Variants in ATP8A2 observed in about 807,000 individuals in gnomAD.
ATP8A2 encodes the protein ATPase phospholipid transporting 8A2, also known as phospholipid-transporting ATPase IB.
In ATP8A2, 100 loss-of-function variants were observed where a neutral mutation model predicts 165.6. The ratio of observed to expected loss-of-function variants is 0.60; its 90% confidence interval spans 0.51 to 0.71. The LOEUF (loss-of-function observed/expected upper bound fraction) is 0.71. Among genes scored for constraint, ATP8A2 ranks in the 30% least tolerant of loss-of-function variants. The pLI is 0.00. For missense variants in ATP8A2, 1,227 were observed against 1,479.5 expected, an observed-to-expected ratio of 0.83 and a Z score of 2.80; for synonymous variants, 543 against 548.8, an observed-to-expected ratio of 0.99 and a Z score of 0.15.
At chr13:25,556,819 G>T (rs541652505) in intron 13 of ATP8A2, among the ~76,000 whole-genome samples, 1 of 152,174 alleles carries the variant, frequency 6.6e-6, no homozygotes, top group East Asian at 1.9e-4. Flanking sequence ...TGGGGACTTC[G>T]GGTTGTCTGT....
chr13:25,609,534 G>GGGATTCAAATATATATAGATATATTT (rs2040604695), intron 24 of ATP8A2, among the ~76,000 whole-genome samples: 1 of 42,220 alleles, frequency 2.4e-5, no homozygotes, highest in Non-Finnish European at 7.2e-5. Context: ...ATATATATTT[G>GGGATTCAAATATATATAGATATATTT]GGATTCAAAT....
chr13:25,913,590 C>G (rs1181074053), intron 33 of ATP8A2, among the ~76,000 whole-genome samples: 2 of 152,142 alleles, frequency 1.3e-5, no homozygotes, highest in African/African-American at 4.8e-5. Context: ...CTGCCTGAAG[C>G]TGGTGTAGAG....
chr13:25,562,713 G>A (rs2039193836), intron 15 of ATP8A2, among the ~76,000 whole-genome samples: 1 of 73,688 alleles, frequency 1.4e-5, no homozygotes. Context: ...CCTGTTTTGG[G>A]AGGATGCCTA....
intron 1 of ATP8A2, among the ~76,000 whole-genome samples, chr13:25,450,304 A>G (rs2035178385): frequency 6.6e-6 from 1 of 152,182 alleles, no homozygotes. Flanking sequence ...TGTCTTTATA[A>G]TAAAATGATA....
At chr13:25,574,154 A>G (rs1299637818) in intron 18 of ATP8A2, among the ~76,000 whole-genome samples, 1 of 152,216 alleles carries the variant, frequency 6.6e-6, no homozygotes, top group Non-Finnish European at 1.5e-5. Context: ...TTAGATGGAA[A>G]AAATTGTGAA....
At chr13:25,691,409 G>A (rs2042722351) in intron 24 of ATP8A2, among the ~76,000 whole-genome samples, 1 of 152,218 alleles carries the variant, frequency 6.6e-6, no homozygotes, top group Non-Finnish European at 1.5e-5. Context: ...GTGTGAATGT[G>A]TGAATTCAAT....
rs148898987 is a variant in ATP8A2 at position 25,700,748 on chromosome 13, A to G, written c.2384+1403A>G. On this transcript the variant is annotated intron_variant, in intron 25 of 36. Transcript: ENST00000381655. ...AAATGGAGTTGCTGGGTCATGCAGT[A>G]ACTCCATGTTTAACCTTTTGAGGAA... Among the ~76,000 whole-genome samples, 24 of 152,282 alleles carry G rather than the reference A, an allele frequency of 1.6e-4. 1 individual carries two copies. Among genetic ancestry groups the G allele is most frequent in the African/African-American group, 5.8e-4 (24 of 41,560 alleles).
chr13:25,934,140 T>G (rs914938092), intron 33 of ATP8A2, among the ~76,000 whole-genome samples: 1 of 152,244 alleles, frequency 6.6e-6, no homozygotes, highest in African/African-American at 2.4e-5. Flanking sequence ...TAACAGTTTA[T>G]GAAGTGGTGT....
chr13:25,413,978 A>G (rs945014184), intron 1 of ATP8A2, among the ~76,000 whole-genome samples: 2 of 151,872 alleles, frequency 1.3e-5, no homozygotes, highest in African/African-American at 4.8e-5. Context: ...CAGCGGAGTG[A>G]GCGTGAGGCG....
chr13:25,711,692 G>A (rs1395482029), intron 25 of ATP8A2, among the ~76,000 whole-genome samples: 1 of 152,178 alleles, frequency 6.6e-6, no homozygotes, highest in Non-Finnish European at 1.5e-5. Flanking sequence ...AGGGTCACAA[G>A]TCTCTGGCAC....
intron 33 of ATP8A2, among the ~76,000 whole-genome samples, chr13:25,908,398 T>C (rs2138982002): frequency 6.6e-6 from 1 of 152,356 alleles, no homozygotes; most frequent in South Asian, 2.1e-4. Context: ...AATTAGTCAG[T>C]TAGACTGATC....
intron 1 of ATP8A2, among the ~76,000 whole-genome samples, chr13:25,411,458 C>T (rs2033962705): frequency 6.6e-6 from 1 of 152,172 alleles, no homozygotes; most frequent in Admixed American, 6.5e-5. Flanking sequence ...TTTTCTAATA[C>T]ATAAAGCAGG....
chr13:25,681,603 A>G (rs1481349219), intron 24 of ATP8A2, among the ~76,000 whole-genome samples: 1 of 152,208 alleles, frequency 6.6e-6, no homozygotes, highest in African/African-American at 2.4e-5. Flanking sequence ...GGCTGCTCCC[A>G]CAATAACAAA....
chr13:25,735,987 C>A (rs1224375964), intron 25 of ATP8A2, among the ~76,000 whole-genome samples: 1 of 152,172 alleles, frequency 6.6e-6, no homozygotes, highest in Non-Finnish European at 1.5e-5. Context: ...TCTTTTATAT[C>A]ATATTTTTAC....
intron 33 of ATP8A2, among the ~76,000 whole-genome samples, chr13:25,952,581 C>G (rs538756528): frequency 6.6e-6 from 1 of 152,256 alleles, no homozygotes; most frequent in South Asian, 2.1e-4. Flanking sequence ...TCACGATGTC[C>G]TGGCTGATCT....
At chr13:25,665,909 T>C (rs1294582586) in intron 24 of ATP8A2, among the ~76,000 whole-genome samples, 1 of 148,908 alleles carries the variant, frequency 6.7e-6, no homozygotes, top group Non-Finnish European at 1.5e-5. Flanking sequence ...TCATAATATA[T>C]TTTATAAAAT....
At chr13:25,739,789 C>G (rs1272432725) in intron 25 of ATP8A2, among the ~76,000 whole-genome samples, 1 of 152,096 alleles carries the variant, frequency 6.6e-6, no homozygotes. Flanking sequence ...ATATTATAAT[C>G]TCCTTCAGGA....
At chr13:25,938,449 T>A (rs1402233894) in intron 33 of ATP8A2, among the ~76,000 whole-genome samples, 3 of 152,226 alleles carry the variant, frequency 2.0e-5, no homozygotes, top group Admixed American at 1.3e-4. Context: ...AAGTTATGGA[T>A]CCCGCAGTAA....
At chr13:25,906,811 C>T (rs531166778) in intron 33 of ATP8A2, among the ~76,000 whole-genome samples, 1 of 152,350 alleles carries the variant, frequency 6.6e-6, no homozygotes, top group South Asian at 2.1e-4. Context: ...ATGTCTTCGT[C>T]TCTTTCTCCC....
Sources: gnomAD v4.1 joint callset for allele counts (sites outside exome capture counted in the v4.1 genomes callset) on GRCh38, gnomAD v4.1.1 for gene constraint, MANE v1.5 for transcripts, NCBI Gene and HGNC (gene_info 2026-07-23, HGNC 2026-07-21) for gene names.